Variants in ELOVL6 observed in about 807,000 individuals in gnomAD.
The protein encoded by ELOVL6 is ELOVL fatty acid elongase 6, also known as very long chain fatty acid elongase 6.
Under a neutral mutation model 31.7 loss-of-function variants are expected in ELOVL6, and 8 were observed. That is an observed-to-expected ratio of 0.25 (90% confidence interval 0.15 to 0.45). ELOVL6 has a LOEUF of 0.45. ELOVL6 is among the 20% of genes least tolerant of loss of function. The pLI is 1.00. For missense variants in ELOVL6, 126 were observed against 326.4 expected, an observed-to-expected ratio of 0.39 and a Z score of 4.73; for synonymous variants, 101 against 117.7, an observed-to-expected ratio of 0.86 and a Z score of 0.92.
At chr4:110,060,310 G>T (rs1429927002) in intron 2 of ELOVL6, among the ~76,000 whole-genome samples, 1 of 152,090 alleles carries the variant, frequency 6.6e-6, no homozygotes, top group Non-Finnish European at 1.5e-5. Flanking sequence ...CTTTCTCAGA[G>T]ATGTCAGAAT....
chr4:110,067,695 C>A (rs781370113), intron 2 of ELOVL6, among the ~76,000 whole-genome samples: 1 of 152,062 alleles, frequency 6.6e-6, no homozygotes, highest in East Asian at 1.9e-4. Context: ...TCAAGATGCA[C>A]GATTAAGTGA....
chr4:110,120,646 C>T (rs1757319339), intron 1 of ELOVL6, among the ~76,000 whole-genome samples: 1 of 151,950 alleles, frequency 6.6e-6, no homozygotes, highest in Non-Finnish European at 1.5e-5. Context: ...TTAAAAACTG[C>T]ACTTACTATA....
intron 1 of ELOVL6, among the ~76,000 whole-genome samples, chr4:110,175,864 C>T (rs1198646406): frequency 6.6e-6 from 1 of 151,992 alleles, no homozygotes; most frequent in Non-Finnish European, 1.5e-5. Context: ...TGATAGATTC[C>T]AGTATCAATG....
At chr4:110,080,871 G>C (rs1755821892) in intron 2 of ELOVL6, among the ~76,000 whole-genome samples, 1 of 152,084 alleles carries the variant, frequency 6.6e-6, no homozygotes. Flanking sequence ...ATCTCCTTAA[G>C]CTGATAGGCA....
intron 1 of ELOVL6, among the ~76,000 whole-genome samples, chr4:110,195,210 C>G (rs561003107): frequency 2.0e-5 from 3 of 152,030 alleles, no homozygotes; most frequent in African/African-American, 7.2e-5. Flanking sequence ...TTGAACCTCC[C>G]GGGTTCAAGC....
chr4:110,051,578 T>C lies in ELOVL6; in HGVS notation c.558A>G (p.Ala186=). ...CAAACTTCCGGGAGACTCGGAAACC[T>C]GCCGCCCGCAAGGCATAGTAAGAGT... is the stretch of plus-strand genomic sequence containing the variant. ...VMYSYYALRA[A]GFRVSRKFAM... The change falls in exon 4 of 4, where the codon GCA becomes GCG. Residue 186 remains alanine, a synonymous_variant. Transcript: ENST00000302274. This position sits in a 1 kb window ranked among gnomAD's most constrained non-coding sequence, Gnocchi z 4.8. The C allele has an allele frequency of 1.2e-6, 2 of 1,614,166 alleles. No homozygotes were observed. Among genetic ancestry groups the C allele is most frequent in the Non-Finnish European group, 8.5e-7 (1 of 1,180,016 alleles).
intron 1 of ELOVL6, among the ~76,000 whole-genome samples, chr4:110,123,269 G>A (rs922771865): frequency 6.6e-6 from 1 of 152,118 alleles, no homozygotes; most frequent in African/African-American, 2.4e-5. Context: ...AGTAAAAATT[G>A]TATTTTCTTA....
intron 1 of ELOVL6, among the ~76,000 whole-genome samples, chr4:110,106,802 C>T (rs1045970423): frequency 3.9e-5 from 6 of 152,050 alleles, no homozygotes; most frequent in African/African-American, 1.4e-4. Context: ...AGCCCCTATT[C>T]AAGATAAAGT....
At chr4:110,056,274 C>A (rs1754984871) in intron 3 of ELOVL6, among the ~76,000 whole-genome samples, 1 of 151,938 alleles carries the variant, frequency 6.6e-6, no homozygotes, top group Non-Finnish European at 1.5e-5. Flanking sequence ...CTAAATAATC[C>A]AAACGGGTAA....
At chr4:110,075,760 T>C (rs767359625) in intron 2 of ELOVL6, among the ~76,000 whole-genome samples, 6 of 152,172 alleles carry the variant, frequency 3.9e-5, no homozygotes, top group Non-Finnish European at 7.4e-5. Flanking sequence ...TTATCCATTT[T>C]TCACCACCAC....
intron 1 of ELOVL6, among the ~76,000 whole-genome samples, chr4:110,175,664 G>T (rs1331539125): frequency 6.6e-6 from 1 of 152,036 alleles, no homozygotes; most frequent in African/African-American, 2.4e-5. Context: ...CCTCTCCAAG[G>T]TTACAAAGCT....
intron 1 of ELOVL6, among the ~76,000 whole-genome samples, chr4:110,135,046 T>G (rs772742677): frequency 6.6e-6 from 1 of 152,170 alleles, no homozygotes; most frequent in Non-Finnish European, 1.5e-5. Flanking sequence ...ACTTTCCTTT[T>G]ATGTATATCA....
chr4:110,181,275 T>A (rs1759264045), intron 1 of ELOVL6, among the ~76,000 whole-genome samples: 1 of 151,868 alleles, frequency 6.6e-6, no homozygotes, highest in Admixed American at 6.6e-5. Context: ...AGTGAAACCC[T>A]ATGTCTACTA....
At chr4:110,094,442 TAATA>T (rs1169875205) in intron 2 of ELOVL6, among the ~76,000 whole-genome samples, 1 of 38,682 alleles carries the variant, frequency 2.6e-5, no homozygotes, top group Non-Finnish European at 4.7e-5. Context: ...TATATATATA[TAATA>T]TATATAACAT....
chr4:110,127,918 A>G (rs1374582825), intron 1 of ELOVL6, among the ~76,000 whole-genome samples: 1 of 152,114 alleles, frequency 6.6e-6, no homozygotes, highest in Non-Finnish European at 1.5e-5. Context: ...ACTAAAAATA[A>G]GGAAACAGGC....
At chr4:110,134,521 G>T (rs1560838243) in intron 1 of ELOVL6, among the ~76,000 whole-genome samples, 1 of 152,140 alleles carries the variant, frequency 6.6e-6, no homozygotes, top group Non-Finnish European at 1.5e-5. Flanking sequence ...CAAGGCCTCT[G>T]GGGGGACATG....
chr4:110,117,920 A>ATC, intron 1 of ELOVL6: 11 of 27,446 alleles, frequency 4.0e-4, no homozygotes, highest in African/African-American at 2.0e-3. Context: ...ATATATATAT[A>ATC]TATATCTCCC....
intron 1 of ELOVL6, among the ~76,000 whole-genome samples, chr4:110,167,470 C>T (rs955938162): frequency 3.3e-5 from 5 of 151,916 alleles, no homozygotes; most frequent in Admixed American, 1.3e-4. Context: ...TTAATGGTTA[C>T]ATAAGAGTTA....
At chr4:110,119,906 T>C (rs190888980) in intron 1 of ELOVL6, among the ~76,000 whole-genome samples, 217 of 152,320 alleles carry the variant, frequency 1.4e-3, no homozygotes, top group African/African-American at 5.1e-3. Context: ...GTCAGGTGAA[T>C]TGCTGCATGT....
Sources: allele counts gnomAD v4.1 joint callset (sites outside exome capture counted in the v4.1 genomes callset), GRCh38; gene constraint gnomAD v4.1.1; non-coding constraint Gnocchi (gnomAD v3.1); transcripts MANE v1.5; gene names NCBI Gene and HGNC (gene_info 2026-07-23, HGNC 2026-07-21).